The following SDCCAG8 variants were observed in gnomAD, a reference collection of about 807,000 sequenced individuals.
SDCCAG8 encodes the protein serologically defined colon cancer antigen 8.
A neutral mutation model predicts 101.8 loss-of-function variants in SDCCAG8; 74 were observed. The ratio of observed to expected loss-of-function variants is 0.73; its 90% confidence interval spans 0.60 to 0.88. The LOEUF is 0.88. Among genes scored for constraint, SDCCAG8 ranks in the 40% least tolerant of loss-of-function variants. The pLI, the probability that SDCCAG8 is intolerant of heterozygous loss-of-function variation, is 0.00. For synonymous variants in SDCCAG8, 281 were observed against 292.9 expected, an observed-to-expected ratio of 0.96 and a Z score of 0.41; for missense variants, 787 against 822.6, an observed-to-expected ratio of 0.96 and a Z score of 0.53.
chr1:243,297,729 C>A (rs1390373290), intron 6 of SDCCAG8, among the ~76,000 whole-genome samples: 1 of 152,110 alleles, frequency 6.6e-6, no homozygotes, highest in Non-Finnish European at 1.5e-5. Flanking sequence ...CCATTTGATG[C>A]CTCTTCTGTG....
At chr1:243,381,087 C>T (rs1573690018) in intron 13 of SDCCAG8, among the ~76,000 whole-genome samples, 1 of 152,096 alleles carries the variant, frequency 6.6e-6, no homozygotes, top group Non-Finnish European at 1.5e-5. Flanking sequence ...AACACCTTAC[C>T]ACACAGTCTC....
chr1:243,462,848 AAAAAC>A (rs752449023), intron 16 of SDCCAG8, among the ~76,000 whole-genome samples: 6 of 151,640 alleles, frequency 4.0e-5, no homozygotes, highest in Non-Finnish European at 7.4e-5. Context: ...TCTTTTGGCA[AAAAAC>A]AAAACAAAAC....
intron 13 of SDCCAG8, among the ~76,000 whole-genome samples, chr1:243,390,232 T>C (rs2078617002): frequency 6.6e-6 from 1 of 152,214 alleles, no homozygotes; most frequent in Admixed American, 6.5e-5. Context: ...CTTGTACTCC[T>C]TTCATGAATA....
Position 243,474,361 on chromosome 1 carries a change from G to A in SDCCAG8, c.1986-14653G>A, listed in dbSNP as rs758155503. Among the ~76,000 whole-genome samples, 9 of 152,278 alleles carry A rather than the reference G, an allele frequency of 5.9e-5. No homozygotes were observed. Among genetic ancestry groups the A allele is most frequent in the East Asian group, 1.9e-4 (1 of 5,162 alleles). On this transcript the variant is annotated intron_variant, in intron 16 of 17. Transcript: ENST00000366541. The surrounding 1 kb of genome is among the most constrained non-coding windows in gnomAD (Gnocchi z 4.7). Reference sequence around the variant, plus strand: ...TGCGAGCCCCCGTGGAGTCGCCTGAGCCAGATGCTCCGCACCCAGCCTCCC... The same window carrying A: ...TGCGAGCCCCCGTGGAGTCGCCTGAACCAGATGCTCCGCACCCAGCCTCCC...
chr1:243,390,792 G>C (rs191399100), intron 13 of SDCCAG8, among the ~76,000 whole-genome samples: 7 of 152,184 alleles, frequency 4.6e-5, no homozygotes, highest in Admixed American at 3.3e-4. Flanking sequence ...AATGAAAATA[G>C]GAAAGAAAAA....
intron 13 of SDCCAG8, among the ~76,000 whole-genome samples, chr1:243,380,678 A>G (rs1317197212): frequency 6.6e-6 from 1 of 152,040 alleles, no homozygotes; most frequent in African/African-American, 2.4e-5. Context: ...GGTTCCATAG[A>G]AAGCTTTTTT....
chr1:243,335,271 T>C (rs1427964733), intron 10 of SDCCAG8, among the ~76,000 whole-genome samples: 1 of 151,702 alleles, frequency 6.6e-6, no homozygotes, highest in Non-Finnish European at 1.5e-5. Flanking sequence ...AAACGCAGAG[T>C]ATGGGGGAAG....
At chr1:243,488,040 T>C (rs967119199) in intron 16 of SDCCAG8, among the ~76,000 whole-genome samples, 1 of 152,188 alleles carries the variant, frequency 6.6e-6, no homozygotes. Flanking sequence ...GTACCGACCA[T>C]CGCCGGGTTT....
At chr1:243,381,688 A>G (rs1432255298) in intron 13 of SDCCAG8, among the ~76,000 whole-genome samples, 6 of 152,214 alleles carry the variant, frequency 3.9e-5, no homozygotes, top group African/African-American at 1.4e-4. Context: ...CTGAGCACCT[A>G]CTATGTTTTA....
At chr1:243,493,026 G>C (rs1289543581) in intron 17 of SDCCAG8, among the ~76,000 whole-genome samples, 3 of 152,130 alleles carry the variant, frequency 2.0e-5, no homozygotes, top group Non-Finnish European at 2.9e-5. Flanking sequence ...GCTCTTACTT[G>C]TCCTTGTGGA....
chr1:243,290,528 A>G (rs1302049778), intron 5 of SDCCAG8, among the ~76,000 whole-genome samples: 1 of 152,156 alleles, frequency 6.6e-6, no homozygotes, highest in East Asian at 1.9e-4. Context: ...GAGAGAATCA[A>G]GTGCAGACTC....
intron 1 of SDCCAG8, among the ~76,000 whole-genome samples, chr1:243,262,108 C>CCTCATG (rs1558197917): frequency 1.7e-4 from 24 of 140,762 alleles, no homozygotes; most frequent in Non-Finnish European, 2.5e-4. Flanking sequence ...CGGTGCCCGA[C>CCTCATG]TTTTTTTTTT....
intron 5 of SDCCAG8, among the ~76,000 whole-genome samples, chr1:243,291,755 A>G (rs1018921232): frequency 3.9e-5 from 6 of 152,176 alleles, no homozygotes; most frequent in African/African-American, 1.4e-4. Flanking sequence ...CTAGGTGTCC[A>G]GTGATTCAAT....
At position 243,380,708 on chromosome 1, in the gene SDCCAG8, A is replaced by G. The variant is rs138331400; in HGVS notation, c.1616+1845A>G. Among the ~76,000 whole-genome samples the G allele has an allele frequency of 2.0e-3, 305 of 151,570 alleles. 10 individuals carry two copies. In the East Asian group the frequency reaches 0.055, roughly 28 times the overall value. The stretch of plus-strand genomic sequence containing the variant: ...TTTTTTTTTTTGTTGAGCTTTATTT[A>G]AACCAATTCTACTAAAATTTAAACG... On this transcript the variant is annotated intron_variant, in intron 13 of 17. Coordinates refer to ENST00000366541, the MANE Select transcript of SDCCAG8 (RefSeq NM_006642.5).
At chr1:243,266,781 A>AAAAAAAG (rs1402228597) in intron 1 of SDCCAG8, among the ~76,000 whole-genome samples, 1 of 148,130 alleles carries the variant, frequency 6.8e-6, no homozygotes, top group Non-Finnish European at 1.5e-5. Flanking sequence ...AAATACAAAA[A>AAAAAAAG]AAAAAAAAGA....
chr1:243,473,143 T>C (rs903987593), intron 16 of SDCCAG8, among the ~76,000 whole-genome samples: 1 of 152,186 alleles, frequency 6.6e-6, no homozygotes, highest in South Asian at 2.1e-4. Context: ...TATCCACCAA[T>C]TGGAAGAAAT....
chr1:243,429,330 TAATC>T (rs1347068541), intron 16 of SDCCAG8, among the ~76,000 whole-genome samples: 1 of 152,170 alleles, frequency 6.6e-6, no homozygotes, highest in Non-Finnish European at 1.5e-5. Flanking sequence ...AAATATGTGT[TAATC>T]AACCATTTAT....
intron 12 of SDCCAG8, among the ~76,000 whole-genome samples, chr1:243,367,297 AT>A (rs1382799009): frequency 1.3e-5 from 2 of 152,048 alleles, no homozygotes; most frequent in Non-Finnish European, 2.9e-5. Context: ...ACCAGAAAAG[AT>A]TGTTTTCCTG....
intron 12 of SDCCAG8, among the ~76,000 whole-genome samples, chr1:243,349,305 G>A (rs1485529588): frequency 6.6e-6 from 1 of 152,164 alleles, no homozygotes; most frequent in African/African-American, 2.4e-5. Context: ...GTCAAGTCTG[G>A]CCTGCTGTCT....
Sources: gnomAD v4.1 joint callset for allele counts (sites outside exome capture counted in the v4.1 genomes callset) on GRCh38, gnomAD v4.1.1 for gene constraint, Gnocchi (gnomAD v3.1) non-coding constraint, MANE v1.5 for transcripts, NCBI Gene and HGNC (gene_info 2026-07-23, HGNC 2026-07-21) for gene names.